The following ATRX variants were observed in gnomAD, a reference collection of about 807,000 sequenced individuals.
ATRX encodes chromatin remodeler ATRX.
Under a neutral mutation model 172.6 loss-of-function variants are expected in ATRX, and 12 were observed. The ratio of observed to expected loss-of-function variants is 0.07; its 90% CI spans 0.04 to 0.11. ATRX has a LOEUF of 0.11. Among genes scored for constraint, ATRX ranks in the 10% least tolerant of loss-of-function variants. The probability of loss-of-function intolerance (pLI) is 1.00; values close to 1 mark genes in which losing one functional copy is unlikely to be tolerated. For missense variants in ATRX, 1,368 were observed against 1,767.4 expected (o/e 0.77, Z 4.05); for synonymous variants, 674 against 594.7 (o/e 1.13, Z -1.94).
chrX:77,508,926 C>A (rs1336743910), intron 34 of ATRX, among the ~76,000 whole-genome samples: 2 of 112,228 alleles, frequency 1.8e-5, no homozygotes, highest in Non-Finnish European at 3.8e-5. Context: ...TTAGTTACAA[C>A]ACTTTTTGTT....
In ATRX at chrX:77,785,960, A is replaced by G. The variant is rs45558235; in HGVS notation, c.20+22T>C. ...GCCTGGGCCCAGACCGCTGGGGCCCATGAGACGGGGTTGCGTTTTACCTCA... is the reference window on the plus strand; with the variant it reads ...GCCTGGGCCCAGACCGCTGGGGCCCGTGAGACGGGGTTGCGTTTTACCTCA... On this transcript the variant is annotated intron_variant, in intron 1 of 34. Transcript: ENST00000373344. The G allele has an allele frequency of 1.2e-3, 1,480 of 1,185,508 alleles. 9 individuals carry two copies. The African/African-American group carries it at 0.015, about 12-fold the overall frequency.
chrX:77,660,417 T>C (rs1347665376), intron 12 of ATRX, among the ~76,000 whole-genome samples: 2 of 108,813 alleles, frequency 1.8e-5, no homozygotes, highest in African/African-American at 6.7e-5. Context: ...TATAAAAAAT[T>C]AGCCGGGCAT....
chrX:77,777,614 G>A (rs182091954), intron 1 of ATRX, among the ~76,000 whole-genome samples: 71 of 111,076 alleles, frequency 6.4e-4, no homozygotes, highest in Non-Finnish European at 1.1e-3. Context: ...ACTAAATCTG[G>A]AATGCTATCA....
intron 28 of ATRX, among the ~76,000 whole-genome samples, chrX:77,562,903 G>T (rs2065067835): frequency 8.9e-6 from 1 of 111,938 alleles, no homozygotes; most frequent in East Asian, 2.8e-4. Context: ...TATTTGACAT[G>T]CATAGCCTTC....
intron 19 of ATRX, among the ~76,000 whole-genome samples, chrX:77,628,073 A>C: frequency 8.9e-6 from 1 of 112,490 alleles, no homozygotes; most frequent in Non-Finnish European, 1.9e-5. Context: ...ACAGGAATTT[A>C]GAGAAAGACT....
At chrX:77,595,897 C>T (rs1557083614) in intron 25 of ATRX, 2 of 111,526 alleles carry the variant, frequency 1.8e-5, no homozygotes, top group African/African-American at 6.5e-5. Context: ...TTTTAAAATG[C>T]AAATGCTTAC....
chrX:77,712,655 G>A (rs1211303891), intron 2 of ATRX, among the ~76,000 whole-genome samples: 2 of 109,216 alleles, frequency 1.8e-5, no homozygotes, highest in African/African-American at 6.7e-5. Flanking sequence ...ATGGCAAAAC[G>A]CCGTCTCCAC....
intron 30 of ATRX, among the ~76,000 whole-genome samples, chrX:77,531,511 C>A (rs1402430148): frequency 8.9e-6 from 1 of 112,247 alleles, no homozygotes; most frequent in Non-Finnish European, 1.9e-5. Context: ...ATCACATAAA[C>A]AGAACTAAAC....
intron 13 of ATRX, among the ~76,000 whole-genome samples, 164 bp from the exon 14 acceptor site, chrX:77,654,364 C>T (rs1397085016): frequency 1.8e-5 from 2 of 111,578 alleles, no homozygotes; most frequent in African/African-American, 3.2e-5. Context: ...CCTAACCCTT[C>T]ATTTTAATCC....
chrX:77,762,608 G>T (rs2075761188), intron 1 of ATRX, among the ~76,000 whole-genome samples: 1 of 110,677 alleles, frequency 9.0e-6, no homozygotes, highest in African/African-American at 3.3e-5. Context: ...TTTAAAAACT[G>T]AACCTCAACT....
rs782750448 is a variant in ATRX at position 77,518,507 on chromosome X, G to T, written c.7200+2281C>A. 1.8e-4 allele frequency among the ~76,000 whole-genome samples: 20 copies of T among 110,942 alleles called. 1 individual carries two copies. The highest frequency in any genetic ancestry group is 6.5e-4 in the African/African-American group (20 of 30,573). ...AATGCTGATGAAAGAAATGGAAGAG[G>T]GTACAAAAAAATGAAAAGATCTTCC... On this transcript the variant is annotated intron_variant, in intron 34 of 34. Transcript: ENST00000373344.
At chrX:77,760,065 T>C (rs1557192067) in intron 1 of ATRX, among the ~76,000 whole-genome samples, 1 of 110,163 alleles carries the variant, frequency 9.1e-6, no homozygotes, top group Admixed American at 9.7e-5. Context: ...ATACTAAACT[T>C]TTAGTGAGAT....
At chrX:77,560,921 T>C (rs1327915896) in intron 28 of ATRX, among the ~76,000 whole-genome samples, 2 of 111,879 alleles carry the variant, frequency 1.8e-5, no homozygotes, top group East Asian at 5.5e-4. Flanking sequence ...ATGTATAACA[T>C]AGAGAAGTAA....
At chrX:77,733,159 C>G (rs782560707) in intron 1 of ATRX, among the ~76,000 whole-genome samples, 3 of 111,368 alleles carry the variant, frequency 2.7e-5, no homozygotes, top group Admixed American at 1.9e-4. Flanking sequence ...AAGAGGACAC[C>G]AAAAAATGTA....
At position 77,504,989 on chromosome X, in the gene ATRX, T is replaced by C. The variant is rs1367937975; in HGVS notation, c.*3362A>G. On this transcript the variant is annotated 3_prime_UTR_variant, in exon 35 of 35. Transcript: ENST00000373344. ...ACTCCTTTGGGACTGGCTCAGATTA[T>C]AGACTTGAAAAAAAATAACGGTAGA... 3.6e-5 allele frequency: 6 copies of C among 164,876 alleles called. No individual in the cohort carries two copies. The highest frequency in any genetic ancestry group is 1.6e-4 in the Admixed American group (2 of 12,228). 13.6% of individuals were successfully genotyped at this position (164,876 alleles called of 1,213,427 possible). A position where few individuals can be genotyped will look rare whatever the true frequency, so the allele number is the denominator to read the frequency against.
chrX:77,710,192 C>T (rs1250601210), intron 2 of ATRX, among the ~76,000 whole-genome samples: 2 of 108,765 alleles, frequency 1.8e-5, no homozygotes, highest in East Asian at 2.9e-4. Flanking sequence ...CCAGCTACTC[C>T]GGAGGCTGAA....
intron 25 of ATRX, chrX:77,594,080 C>G (rs1220231937): frequency 1.2e-5 from 4 of 332,211 alleles, no homozygotes; most frequent in Non-Finnish European, 2.1e-5. Flanking sequence ...AAGGAGATGC[C>G]AAATAAGAGA....
At chrX:77,710,255 T>C (rs1328260927) in intron 2 of ATRX, among the ~76,000 whole-genome samples, 1 of 106,715 alleles carries the variant, frequency 9.4e-6, no homozygotes, top group Non-Finnish European at 1.9e-5. Flanking sequence ...GTCAAGATCA[T>C]GCCACTGCCC....
chrX:77,595,242 G>A (rs1424603843), intron 25 of ATRX: 1 of 110,945 alleles, frequency 9.0e-6, no homozygotes, highest in Admixed American at 9.7e-5. Flanking sequence ...TCTGTTCCTA[G>A]CTTTTCCTAA....
Sources: gnomAD v4.1 joint callset for allele counts (sites outside exome capture counted in the v4.1 genomes callset) on GRCh38, gnomAD v4.1.1 for gene constraint, MANE v1.5 for transcripts, NCBI Gene and HGNC (gene_info 2026-07-23, HGNC 2026-07-21) for gene names.